Variants in BCL2L11 observed in about 807,000 individuals in gnomAD.
The protein encoded by BCL2L11 is BCL2 like 11, also known as bcl-2-like protein 11.
Under a neutral mutation model 20.6 loss-of-function variants are expected in BCL2L11, and 15 were observed. The ratio of observed to expected loss-of-function variants is 0.73; its 90% CI spans 0.49 to 1.12. The LOEUF (loss-of-function observed/expected upper bound fraction) is 1.12, where lower values mean the gene tolerates loss of function less well. BCL2L11 is among the 50% of genes most tolerant of loss of function. The pLI, the probability that BCL2L11 is intolerant of heterozygous loss-of-function variation, is 0.00. For synonymous variants in BCL2L11, 108 were observed against 92.8 expected (o/e 1.16, Z -0.94); for missense variants, 292 against 260.9 (o/e 1.12, Z -0.82).
chr2:111,162,402 C>T (rs1302783526), intron 3 of BCL2L11, among the ~76,000 whole-genome samples: 1 of 152,182 alleles, frequency 6.6e-6, no homozygotes, highest in African/African-American at 2.4e-5. Flanking sequence ...ATTTTCCCCA[C>T]CCTCTCCAAC....
Position 111,164,431 on chromosome 2 carries a change from G to T in BCL2L11, c.*200G>T, listed in dbSNP as rs1364185216. 8.1e-6 allele frequency: 4 copies of T among 496,352 alleles called. No homozygotes were observed. Among genetic ancestry groups the T allele is most frequent in the Non-Finnish European group, 1.4e-5 (4 of 275,922 alleles). 30.7% of individuals were successfully genotyped at this position (496,352 alleles called of 1,614,324 possible). ...CCACACAGCAGAATTTCTAATGGAAGTTTGTTGTGAATGTAAAGGAGGGAG... is the reference window on the plus strand; with the variant it reads ...CCACACAGCAGAATTTCTAATGGAATTTTGTTGTGAATGTAAAGGAGGGAG... On this transcript the variant is annotated 3_prime_UTR_variant, in exon 4 of 4. Transcript: ENST00000393256.
At chr2:111,161,717 T>C (rs1038770033) in intron 3 of BCL2L11, among the ~76,000 whole-genome samples, 5 of 152,224 alleles carry the variant, frequency 3.3e-5, no homozygotes, top group African/African-American at 1.2e-4. Context: ...TTGGATGTGC[T>C]ACCCTGGCCA....
At chr2:111,144,642 T>C in intron 2 of BCL2L11, 1 of 1,243,062 alleles carries the variant, frequency 8.0e-7, no homozygotes, top group Non-Finnish European at 1.1e-6. Flanking sequence ...ACTTACAGAG[T>C]TGAATAAACA....
At chr2:111,125,371 G>T (rs1574895323) in intron 2 of BCL2L11, among the ~76,000 whole-genome samples, 1 of 152,198 alleles carries the variant, frequency 6.6e-6, no homozygotes, top group African/African-American at 2.4e-5. Context: ...AATGGAAAAG[G>T]TTCATGTCTT....
chr2:111,145,246 G>A (rs1487298971), intron 2 of BCL2L11, among the ~76,000 whole-genome samples: 1 of 152,170 alleles, frequency 6.6e-6, no homozygotes, highest in Non-Finnish European at 1.5e-5. Flanking sequence ...CCCAGACTGA[G>A]GCTGCAGTTG....
At chr2:111,143,880 C>A (rs527275894) in intron 2 of BCL2L11, among the ~76,000 whole-genome samples, 1 of 152,284 alleles carries the variant, frequency 6.6e-6, no homozygotes, top group East Asian at 1.9e-4. Flanking sequence ...ACACATTAAT[C>A]TTAATGTCTT....
intron 2 of BCL2L11, among the ~76,000 whole-genome samples, chr2:111,147,346 T>TCTCTCTCACACACACACACACA (rs760779894): frequency 7.3e-6 from 1 of 137,332 alleles, no homozygotes. Context: ...TCTCTCTCTC[T>TCTCTCTCACACACACACACACA]CACACACACA....
chr2:111,161,295 C>A, intron 3 of BCL2L11: 1 of 1,240,846 alleles, frequency 8.1e-7, no homozygotes, highest in Non-Finnish European at 1.1e-6. Context: ...AGTGGAGCAT[C>A]TTCCCTGATT....
chr2:111,140,866 T>C (rs2075686367), intron 2 of BCL2L11, among the ~76,000 whole-genome samples: 2 of 152,258 alleles, frequency 1.3e-5, no homozygotes, highest in Non-Finnish European at 1.5e-5. Flanking sequence ...TAATGCAATA[T>C]ACGAGTGCCA....
At chr2:111,123,079 A>G (rs913076091) in intron 1 of BCL2L11, 2 of 975,278 alleles carry the variant, frequency 2.1e-6, no homozygotes, top group Non-Finnish European at 2.4e-6. Flanking sequence ...AGAGATGTGC[A>G]CCTCACGGTG....
At chr2:111,147,346 T>TCTCTCTCTCTCA (rs760779894) in intron 2 of BCL2L11, among the ~76,000 whole-genome samples, 111 of 137,402 alleles carry the variant, frequency 8.1e-4, no homozygotes, top group South Asian at 1.9e-3. Context: ...TCTCTCTCTC[T>TCTCTCTCTCTCA]CACACACACA....
chr2:111,147,384 A>C (rs893303744), intron 2 of BCL2L11, among the ~76,000 whole-genome samples: 5 of 148,090 alleles, frequency 3.4e-5, no homozygotes, highest in African/African-American at 9.8e-5. Flanking sequence ...ACACACACAC[A>C]CACACACCCG....
Position 111,164,216 on chromosome 2 carries a change from G to A in BCL2L11, c.582G>A (p.Val194=). ...TGTTACGTTACATTGTCCGCCTGGTGTGGAGAATGCATTGACAGGTTCTTT... is the reference window on the plus strand; with the variant it reads ...TGTTACGTTACATTGTCCGCCTGGTATGGAGAATGCATTGACAGGTTCTTT... ...LRLLRYIVRL[V]WRMH The change falls in exon 4 of 4, where the codon GTG becomes GTA. Residue 194 remains valine (V), a synonymous_variant. Transcript: ENST00000393256. 1 of 1,611,708 alleles carries A rather than the reference G, an allele frequency of 6.2e-7. No individual in the cohort carries two copies. Among genetic ancestry groups the A allele is most frequent in the Non-Finnish European group, 8.5e-7 (1 of 1,177,782 alleles).
At position 111,166,125 on chromosome 2, in the gene BCL2L11, T is replaced by C. The variant is rs2079007821; in HGVS notation, c.*1894T>C. On this transcript the variant is annotated 3_prime_UTR_variant, in exon 4 of 4. Transcript: ENST00000393256. Reference sequence around the variant, plus strand: ...CCCACGGTTACAAGCAGTGGTAGGATTGCAGCCGTGGGCCTGCTGGACACA... The same window carrying C: ...CCCACGGTTACAAGCAGTGGTAGGACTGCAGCCGTGGGCCTGCTGGACACA... The C allele has an allele frequency of 6.5e-6, 1 of 152,682 alleles. No individual in the cohort carries two copies. The highest frequency in any genetic ancestry group is 1.9e-4 in the East Asian group (1 of 5,196). 9.5% of individuals were successfully genotyped at this position (152,682 alleles called of 1,614,324 possible).
intron 2 of BCL2L11, among the ~76,000 whole-genome samples, chr2:111,139,471 A>C (rs1439233031): frequency 6.6e-6 from 1 of 152,226 alleles, no homozygotes; most frequent in Non-Finnish European, 1.5e-5. Context: ...TGGATTTAAC[A>C]TTAGGAGTGT....
chr2:111,138,736 G>T (rs1208144281), intron 2 of BCL2L11, among the ~76,000 whole-genome samples: 1 of 152,186 alleles, frequency 6.6e-6, no homozygotes, highest in African/African-American at 2.4e-5. Context: ...CTCCCCCACA[G>T]GCTGCTCTTG....
chr2:111,122,710 C>T (rs2150126673), intron 1 of BCL2L11: 6 of 981,890 alleles, frequency 6.1e-6, no homozygotes, highest in East Asian at 1.1e-4. Context: ...GCGTGCGGAG[C>T]CCTCGGCTGC....
At chr2:111,127,730 G>A (rs1318509188) in intron 2 of BCL2L11, among the ~76,000 whole-genome samples, 1 of 152,096 alleles carries the variant, frequency 6.6e-6, no homozygotes, top group African/African-American at 2.4e-5. Context: ...TGACAGCTGA[G>A]GTCTAGCTCA....
Position 111,140,678 on chromosome 2 carries a change from T to C in BCL2L11, c.395-9366T>C, listed in dbSNP as rs546991335. Reference sequence around the variant, plus strand: ...CCTTGAGAAAGGCATTAACCTGAAGTAGTCTATAGTGAATTCTGAATAGAT... The same window carrying C: ...CCTTGAGAAAGGCATTAACCTGAAGCAGTCTATAGTGAATTCTGAATAGAT... On this transcript the variant is annotated intron_variant, in intron 2 of 3. Coordinates refer to ENST00000393256, the MANE Select transcript of BCL2L11 (RefSeq NM_138621.5). Among the ~76,000 whole-genome samples the C allele has an allele frequency of 1.6e-4, 25 of 152,350 alleles. No individual in the cohort carries two copies. In the South Asian group the frequency reaches 2.3e-3, roughly 14 times the overall value.
Sources: allele counts gnomAD v4.1 joint callset (sites outside exome capture counted in the v4.1 genomes callset), GRCh38; gene constraint gnomAD v4.1.1; transcripts MANE v1.5; gene names NCBI Gene and HGNC (gene_info 2026-07-23, HGNC 2026-07-21).